Variants in NRG1 observed in about 807,000 individuals in gnomAD.
NRG1 encodes the protein pro-neuregulin-1, membrane-bound isoform.
A neutral mutation model predicts 63.8 loss-of-function variants in NRG1; 18 were observed. That is an observed-to-expected ratio of 0.28 (90% CI 0.19 to 0.42). NRG1 has a LOEUF of 0.42. Among genes scored for constraint, NRG1 ranks in the 10% least tolerant of loss-of-function variants. The pLI, the probability that NRG1 is intolerant of heterozygous loss-of-function variation, is 1.00. For missense variants in NRG1, 762 were observed against 814.7 expected (o/e 0.94, Z 0.79); for synonymous variants, 302 against 301.3 (o/e 1.00, Z -0.02).
At chr8:32,410,288 C>G (rs1814727266) in intron 1 of NRG1, among the ~76,000 whole-genome samples, 2 of 148,942 alleles carry the variant, frequency 1.3e-5, no homozygotes, top group Non-Finnish European at 3.0e-5. Flanking sequence ...TCAGGCAGTC[C>G]TCCCACCTTG....
chr8:32,535,885 A>C (rs1831916429), intron 1 of NRG1, among the ~76,000 whole-genome samples: 2 of 152,126 alleles, frequency 1.3e-5, no homozygotes, highest in Admixed American at 6.5e-5. Context: ...TGGGAAAGTA[A>C]AATGCCTGCC....
intron 1 of NRG1, among the ~76,000 whole-genome samples, chr8:31,977,410 G>A (rs1808369276): frequency 6.6e-6 from 1 of 152,010 alleles, no homozygotes. Context: ...GCAACATCCA[G>A]AAATTCTTCC....
chr8:31,835,320 T>C (rs529137781), intron 1 of NRG1, among the ~76,000 whole-genome samples: 97 of 152,288 alleles, frequency 6.4e-4, no homozygotes, highest in African/African-American at 2.2e-3. Context: ...TCTGTAAAAA[T>C]AGAACATGGC....
At chr8:32,321,694 AT>A (rs1243713185) in intron 1 of NRG1, among the ~76,000 whole-genome samples, 1 of 152,052 alleles carries the variant, frequency 6.6e-6, no homozygotes, top group African/African-American at 2.4e-5. Context: ...AAGATGCTAA[AT>A]ATAGTAAATA....
chr8:31,674,127 A>G (rs1334876334), intron 1 of NRG1, among the ~76,000 whole-genome samples: 2 of 152,238 alleles, frequency 1.3e-5, no homozygotes, highest in Non-Finnish European at 2.9e-5. Flanking sequence ...TCAGATTGCC[A>G]AATAATATTC....
At chr8:32,771,907 C>T (rs1371055919), downstream of NRG1, among the ~76,000 whole-genome samples, 4 of 146,740 alleles carry the variant, frequency 2.7e-5, no homozygotes, top group Admixed American at 1.4e-4. Context: ...CCTGTAATCC[C>T]AGCTACTCGG....
intron 1 of NRG1, among the ~76,000 whole-genome samples, chr8:32,345,202 G>A (rs1419160380): frequency 6.6e-6 from 1 of 152,206 alleles, no homozygotes; most frequent in East Asian, 1.9e-4. Flanking sequence ...GGGTGTAAAT[G>A]TCTTCCTTGC....
At chr8:32,680,951 T>A (rs1808457918) in intron 5 of NRG1, among the ~76,000 whole-genome samples, 2 of 151,558 alleles carry the variant, frequency 1.3e-5, no homozygotes, top group African/African-American at 4.9e-5. Context: ...GAAACAAGTA[T>A]CTAAGATGTT....
chr8:32,083,322 T>C (rs1827752978), intron 1 of NRG1, among the ~76,000 whole-genome samples: 1 of 152,218 alleles, frequency 6.6e-6, no homozygotes, highest in African/African-American at 2.4e-5. Flanking sequence ...AAAAAGGCTT[T>C]AGGCCAAGTG....
At chr8:32,538,751 A>C (rs949577635) in intron 1 of NRG1, among the ~76,000 whole-genome samples, 1 of 152,248 alleles carries the variant, frequency 6.6e-6, no homozygotes, top group African/African-American at 2.4e-5. Context: ...TTATCTGCAT[A>C]CGTTTATAGT....
At chr8:32,585,280 A>G (rs1841394069) in intron 1 of NRG1, among the ~76,000 whole-genome samples, 1 of 152,320 alleles carries the variant, frequency 6.6e-6, no homozygotes, top group South Asian at 2.1e-4. Flanking sequence ...CTACACATCA[A>G]TTAGGTAAAA....
chr8:32,598,587 T>C (rs1430420414), intron 2 of NRG1, among the ~76,000 whole-genome samples: 1 of 152,092 alleles, frequency 6.6e-6, no homozygotes, highest in African/African-American at 2.4e-5. Flanking sequence ...TAGAAATTAC[T>C]TCTTTTAAAC....
intron 1 of NRG1, among the ~76,000 whole-genome samples, chr8:32,315,192 A>G (rs557599462): frequency 1.3e-5 from 2 of 152,244 alleles, no homozygotes; most frequent in African/African-American, 4.8e-5. Flanking sequence ...TCACCTAGAT[A>G]TTAAGCCCCA....
chr8:32,361,406 A>G (rs1443415180), intron 1 of NRG1, among the ~76,000 whole-genome samples: 1 of 152,154 alleles, frequency 6.6e-6, no homozygotes, highest in Non-Finnish European at 1.5e-5. Context: ...GAAGCCCTGT[A>G]TGCATCTGGA....
chr8:32,365,837 C>A (rs1807901630), intron 1 of NRG1, among the ~76,000 whole-genome samples: 1 of 152,174 alleles, frequency 6.6e-6, no homozygotes, highest in African/African-American at 2.4e-5. Flanking sequence ...ATTATTCTAA[C>A]AAAATTGATT....
At chr8:32,220,312 C>T (rs1427971664) in intron 1 of NRG1, among the ~76,000 whole-genome samples, 2 of 152,158 alleles carry the variant, frequency 1.3e-5, no homozygotes, top group Admixed American at 6.5e-5. Flanking sequence ...ATGAGGGAAA[C>T]CCCAGGTTAT....
intron 1 of NRG1, among the ~76,000 whole-genome samples, chr8:32,075,060 G>A (rs1014927041): frequency 6.6e-6 from 1 of 152,180 alleles, no homozygotes; most frequent in African/African-American, 2.4e-5. Flanking sequence ...TTACCTTGTG[G>A]GGTTGTTGTG....
intron 1 of NRG1, among the ~76,000 whole-genome samples, chr8:32,382,045 A>G (rs972340588): frequency 6.6e-6 from 1 of 152,192 alleles, no homozygotes; most frequent in Non-Finnish European, 1.5e-5. Flanking sequence ...AATGGTAATA[A>G]CAATAAATTC....
chr8:32,645,809 G>T (rs1381584224), intron 5 of NRG1, among the ~76,000 whole-genome samples: 1 of 152,198 alleles, frequency 6.6e-6, no homozygotes, highest in Non-Finnish European at 1.5e-5. Context: ...GCAGTGATGT[G>T]CAGCACAGTG....
Sources: allele counts gnomAD v4.1 joint callset (sites outside exome capture counted in the v4.1 genomes callset), GRCh38; gene constraint gnomAD v4.1.1; transcripts MANE v1.5; gene names NCBI Gene and HGNC (gene_info 2026-07-23, HGNC 2026-07-21).